CEP128: variants seen among roughly 807,000 people sequenced by gnomAD.
CEP128 encodes the protein centrosomal protein 128, also known as centrosomal protein 128kDa.
Under a neutral mutation model 156.7 loss-of-function variants are expected in CEP128, and 132 were observed. That is an observed-to-expected ratio of 0.84 (90% confidence interval 0.73 to 0.97). The LOEUF (loss-of-function observed/expected upper bound fraction) is 0.97, where lower values mean the gene tolerates loss of function less well. CEP128 is among the 50% of genes least tolerant of loss of function. The pLI is 0.00. For synonymous variants in CEP128, 469 were observed against 448.9 expected (o/e 1.04, Z -0.57); for missense variants, 1,252 against 1,281.9 (o/e 0.98, Z 0.36).
intron 8 of CEP128, among the ~76,000 whole-genome samples, chr14:80,869,522 C>T (rs1041670017): frequency 2.0e-5 from 3 of 151,920 alleles, no homozygotes; most frequent in African/African-American, 7.2e-5. Flanking sequence ...AATAACCTAA[C>T]TATACCTCAA....
chr14:80,663,533 G>A (rs904004406), intron 19 of CEP128, among the ~76,000 whole-genome samples: 2 of 152,036 alleles, frequency 1.3e-5, no homozygotes, highest in African/African-American at 2.4e-5. Flanking sequence ...GCCACCTTCC[G>A]ATAATAATAA....
At position 80,848,553 on chromosome 14, in the gene CEP128, C is replaced by G. The variant is rs181918619; in HGVS notation, c.763-7785G>C. Among the ~76,000 whole-genome samples, 1,239 of 151,888 alleles carry G rather than the reference C, an allele frequency of 8.2e-3. 11 individuals carry two copies. Among genetic ancestry groups the G allele is most frequent in the Non-Finnish European group, 0.01 (686 of 67,936 alleles). On this transcript the variant is annotated intron_variant, in intron 9 of 24. Coordinates refer to ENST00000555265, the MANE Select transcript of CEP128 (RefSeq NM_152446.5). ...GCGCATGCTTGTAATTCCAACTATT[C>G]AGGAGGCTGAGGCAGAGAATCGCTT... is the stretch of plus-strand genomic sequence containing the variant.
chr14:80,799,089 G>A (rs1375173406), intron 13 of CEP128, among the ~76,000 whole-genome samples: 1 of 152,168 alleles, frequency 6.6e-6, no homozygotes, highest in Non-Finnish European at 1.5e-5. Context: ...CATGGAAACA[G>A]AATGAGTCAC....
At chr14:80,758,504 AAGAG>A (rs1899787781) in intron 17 of CEP128, among the ~76,000 whole-genome samples, 1 of 149,826 alleles carries the variant, frequency 6.7e-6, no homozygotes, top group African/African-American at 2.5e-5. Context: ...TCTGGGGGAC[AAGAG>A]AGAGACTTTG....
At chr14:80,893,365 G>A (rs1423373946) in intron 8 of CEP128, among the ~76,000 whole-genome samples, 3 of 151,762 alleles carry the variant, frequency 2.0e-5, no homozygotes, top group Non-Finnish European at 3.0e-5. Flanking sequence ...ATGCAGGTCA[G>A]AGGATACAAA....
chr14:80,751,157 G>A (rs1031582960), intron 18 of CEP128, among the ~76,000 whole-genome samples: 1 of 152,186 alleles, frequency 6.6e-6, no homozygotes, highest in African/African-American at 2.4e-5. Flanking sequence ...GTCATTCATT[G>A]TGTGGTATTT....
intron 8 of CEP128, among the ~76,000 whole-genome samples, chr14:80,869,613 A>G (rs1034836239): frequency 2.0e-5 from 3 of 152,016 alleles, no homozygotes; most frequent in African/African-American, 7.2e-5. Context: ...GCAAAAATAA[A>G]TGAAATAGAC....
chr14:80,716,227 A>C (rs1431781741), intron 19 of CEP128, among the ~76,000 whole-genome samples: 2 of 152,240 alleles, frequency 1.3e-5, no homozygotes, highest in African/African-American at 4.8e-5. Context: ...GATAAAATTC[A>C]CACACCATAT....
intron 18 of CEP128, among the ~76,000 whole-genome samples, chr14:80,755,457 A>C (rs1289676835): frequency 6.6e-6 from 1 of 152,140 alleles, no homozygotes; most frequent in Admixed American, 6.5e-5. Context: ...GTATAGTCCA[A>C]CTCTCAATTG....
At chr14:80,706,838 C>T (rs937670554) in intron 19 of CEP128, among the ~76,000 whole-genome samples, 1 of 151,964 alleles carries the variant, frequency 6.6e-6, no homozygotes, top group African/African-American at 2.4e-5. Context: ...TTTATTTTCT[C>T]CCTATTGTTC....
intron 19 of CEP128, among the ~76,000 whole-genome samples, chr14:80,605,832 C>A (rs1030617998): frequency 7.9e-5 from 12 of 151,900 alleles, no homozygotes; most frequent in Non-Finnish European, 8.8e-5. Context: ...TGGTTTTAGT[C>A]CCTTTCTATT....
chr14:80,831,189 A>T lies in CEP128; in HGVS notation c.1163T>A (p.Met388Lys). The T allele has an allele frequency of 1.2e-6, 2 of 1,614,004 alleles. No individual in the cohort carries two copies. Among genetic ancestry groups the T allele is most frequent in the South Asian group, 2.2e-5 (2 of 91,068 alleles). ...ASELEEVKRC[M>K]ERKDKEKAHL... is the part of the protein sequence containing the mutation. ...TGCTTTCTCCTTGTCTTTTCTCTCC[A>T]TGCACCGTTTCACTTCCTCTAACTC... The change falls in exon 13 of 25, where the codon ATG becomes AAG. Residue 388 changes from methionine to lysine, a missense_variant. Coordinates refer to ENST00000555265, the MANE Select transcript of CEP128 (RefSeq NM_152446.5).
intron 19 of CEP128, among the ~76,000 whole-genome samples, chr14:80,647,093 T>G (rs71430713): frequency 0.55 from 40,837 of 74,116 alleles, 13,468 homozygotes; most frequent in Non-Finnish European, 0.66. Context: ...ATATACACCC[T>G]TATAAATACA....
chr14:80,608,170 C>A (rs1595082152), intron 19 of CEP128, among the ~76,000 whole-genome samples: 2 of 152,206 alleles, frequency 1.3e-5, no homozygotes, highest in South Asian at 4.1e-4. Flanking sequence ...TCCCTTCTAC[C>A]TTACTCTGCT....
chr14:80,799,343 G>C (rs1287320245), intron 13 of CEP128, among the ~76,000 whole-genome samples: 1 of 152,158 alleles, frequency 6.6e-6, no homozygotes, highest in African/African-American at 2.4e-5. Context: ...ATTTTCATAA[G>C]CTGAGGATGT....
chr14:80,820,241 G>A (rs954640133), intron 13 of CEP128, among the ~76,000 whole-genome samples: 1 of 152,090 alleles, frequency 6.6e-6, no homozygotes, highest in African/African-American at 2.4e-5. Context: ...GACATTTCTT[G>A]TTTTTTCTCG....
In CEP128 at chr14:80,650,425, T is replaced by C. The variant is rs1894851912; in HGVS notation, c.2807-70002A>G. Reference sequence around the variant, plus strand: ...CCCTTTATTTCTTTCTCTTGCCGGATTACCGTGGCCAGAACTTCCAAAACT... The same window carrying C: ...CCCTTTATTTCTTTCTCTTGCCGGACTACCGTGGCCAGAACTTCCAAAACT... On this transcript the variant is annotated intron_variant, in intron 19 of 24. Coordinates refer to ENST00000555265, the MANE Select transcript of CEP128 (RefSeq NM_152446.5). Among the ~76,000 whole-genome samples the C allele has an allele frequency of 2.0e-5, 3 of 152,170 alleles. No homozygotes were observed. In the South Asian group the frequency reaches 6.2e-4, roughly 31 times the overall value.
chr14:80,799,812 C>T (rs1437650016), intron 13 of CEP128, among the ~76,000 whole-genome samples: 3 of 152,072 alleles, frequency 2.0e-5, no homozygotes, highest in African/African-American at 7.2e-5. Flanking sequence ...TGCTCTCGAA[C>T]CCTGTTTTCT....
chr14:80,774,954 T>C (rs916790418), intron 16 of CEP128, among the ~76,000 whole-genome samples: 1 of 152,216 alleles, frequency 6.6e-6, no homozygotes, highest in Non-Finnish European at 1.5e-5. Context: ...AGGTAAATCA[T>C]AGGCACATTA....
Sources: allele counts gnomAD v4.1 joint callset (sites outside exome capture counted in the v4.1 genomes callset), GRCh38; gene constraint gnomAD v4.1.1; transcripts MANE v1.5; gene names NCBI Gene and HGNC (gene_info 2026-07-23, HGNC 2026-07-21).